IPO8: variants seen among roughly 807,000 people sequenced by gnomAD.
The protein encoded by IPO8 is importin 8.
Under a neutral mutation model 141.2 loss-of-function variants are expected in IPO8, and 65 were observed. The ratio of observed to expected loss-of-function variants is 0.46; its 90% CI spans 0.38 to 0.57. IPO8 has a LOEUF of 0.57. IPO8 is among the 20% of genes least tolerant of loss of function. The pLI is 0.00. For missense variants in IPO8, 980 were observed against 1,246.8 expected (o/e 0.79, Z 3.22); for synonymous variants, 411 against 420.3 (o/e 0.98, Z 0.27).
Position 30,680,657 on chromosome 12 carries a change from A to G in IPO8, c.483-19T>C. On this transcript the variant is annotated intron_variant, in intron 4 of 24. Coordinates refer to ENST00000256079, the MANE Select transcript of IPO8 (RefSeq NM_006390.4). ...CTTATATCTACATGAGCAAAGACAA[A>G]AACAGAAAAGTAATTTTTCCCACCC... The G allele has an allele frequency of 6.3e-7, 1 of 1,580,018 alleles. No homozygotes were observed. Among genetic ancestry groups the G allele is most frequent in the South Asian group, 1.2e-5 (1 of 83,228 alleles).
chr12:30,654,326 A>G (rs1280192133), intron 17 of IPO8, among the ~76,000 whole-genome samples: 2 of 150,548 alleles, frequency 1.3e-5, no homozygotes, highest in African/African-American at 2.4e-5. Context: ...TTTTTTTTAT[A>G]TGAGGATATG....
intron 2 of IPO8, among the ~76,000 whole-genome samples, chr12:30,685,497 A>ATG (rs2053231625): frequency 7.5e-6 from 1 of 133,330 alleles, no homozygotes; most frequent in Non-Finnish European, 1.6e-5. Flanking sequence ...AATACTTATA[A>ATG]TGTTGTGTGT....
chr12:30,658,500 A>G (rs1042296711), intron 16 of IPO8, among the ~76,000 whole-genome samples: 1 of 152,174 alleles, frequency 6.6e-6, no homozygotes, highest in Non-Finnish European at 1.5e-5. Context: ...CTTGATAATC[A>G]CAATAAGTTC....
chr12:30,674,132 C>T (rs2053087937), intron 7 of IPO8, 58 bp from the exon 8 acceptor site: 3 of 1,095,928 alleles, frequency 2.7e-6, no homozygotes, highest in Non-Finnish European at 4.1e-6. Flanking sequence ...AGCATGCTTG[C>T]TAATAATTTA....
At chr12:30,663,699 CAT>C in intron 13 of IPO8, 45 bp from the exon 14 acceptor site, 2 of 1,407,068 alleles carry the variant, frequency 1.4e-6, no homozygotes, top group Non-Finnish European at 1.9e-6. Flanking sequence ...AGGATTATAG[CAT>C]TCTGTAATAA....
Position 30,666,187 on chromosome 12 carries a change from C to T in IPO8, c.1209G>A (p.Lys403=). 5 of 1,572,504 alleles carry T rather than the reference C, an allele frequency of 3.2e-6. No individual in the cohort carries two copies. Among genetic ancestry groups the T allele is most frequent in the Non-Finnish European group, 3.4e-6 (4 of 1,162,702 alleles). ...AAAAATGAAATACCTCTTTTCTTTT[C>T]TTTGCAGCAGTATATAAGAGAGTCT... ...AAQTLLYTAA[K]KRKEVLPKMM... Residue 403 remains lysine, a synonymous_variant, in exon 11 of 25, where the codon AAG becomes AAA. Transcript: ENST00000256079.
At chr12:30,636,934 C>T (rs777595941) in intron 22 of IPO8, 48 bp downstream of exon 22, 32 of 1,510,736 alleles carry the variant, frequency 2.1e-5, no homozygotes, top group Non-Finnish European at 2.9e-5. Flanking sequence ...AAAATGCATA[C>T]ACAAATCAAA....
At chr12:30,685,221 CCT>C (rs1411673788) in intron 2 of IPO8, among the ~76,000 whole-genome samples, 1 of 151,486 alleles carries the variant, frequency 6.6e-6, no homozygotes, top group East Asian at 1.9e-4. Context: ...CTCACTGCAA[CCT>C]CTGTCTCCCG....
rs554110534 is a variant in IPO8 at position 30,638,705 on chromosome 12, C to T, written c.2489+810G>A. 1.4e-4 allele frequency among the ~76,000 whole-genome samples: 22 copies of T among 152,172 alleles called. 1 individual carries two copies. In the South Asian group the frequency reaches 1.5e-3, roughly 10 times the overall value. On this transcript the variant is annotated intron_variant, in intron 21 of 24. Coordinates refer to ENST00000256079, the MANE Select transcript of IPO8 (RefSeq NM_006390.4). ...TTTTTGAGATGGAGTCTCACTCTGTCGCCCAGGCTGGAGTGCAGTGGCACG... is the reference window on the plus strand; with the variant it reads ...TTTTTGAGATGGAGTCTCACTCTGTTGCCCAGGCTGGAGTGCAGTGGCACG...
At chr12:30,655,870 C>T (rs575937135) in intron 17 of IPO8, among the ~76,000 whole-genome samples, 5 of 152,310 alleles carry the variant, frequency 3.3e-5, no homozygotes, top group Admixed American at 6.5e-5. Flanking sequence ...TATCTGAGTA[C>T]TACACAGCTT....
intron 20 of IPO8, among the ~76,000 whole-genome samples, chr12:30,644,650 T>G (rs913730681): frequency 2.1e-4 from 29 of 141,244 alleles, no homozygotes; most frequent in Admixed American, 4.9e-4. Context: ...GTTTTTTTTT[T>G]TTGTTTTTTT....
chr12:30,663,803 C>T (rs868798741), intron 13 of IPO8, 149 bp from the exon 14 acceptor site: 26 of 486,550 alleles, frequency 5.3e-5, no homozygotes, highest in African/African-American at 2.4e-4. Flanking sequence ...TTTCTAACTT[C>T]TACATCCCCC....
In IPO8 at chr12:30,656,994, A is replaced by G. The variant is rs765305098; in HGVS notation, c.1882-244T>C. Among the ~76,000 whole-genome samples, 13 of 152,258 alleles carry G rather than the reference A, an allele frequency of 8.5e-5. 1 individual carries two copies. The highest frequency in any genetic ancestry group is 1.3e-4 in the Admixed American group (2 of 15,296). Reference sequence around the variant, plus strand: ...TACCATATATTTTATACCAAAATAAATTCCTAATAGATAAAAGATTTCAGT... The same window carrying G: ...TACCATATATTTTATACCAAAATAAGTTCCTAATAGATAAAAGATTTCAGT... On this transcript the variant is annotated intron_variant, in intron 16 of 24. Transcript: ENST00000256079.
chr12:30,636,916 A>G, intron 22 of IPO8, 66 bp downstream of exon 22: 2 of 1,273,218 alleles, frequency 1.6e-6, no homozygotes, highest in Non-Finnish European at 2.3e-6. Flanking sequence ...ATAGACTAGT[A>G]TTCATATAAA....
In IPO8 at chr12:30,669,155, T is replaced by C. The variant is rs201817341; in HGVS notation, c.1144+28A>G. The C allele has an allele frequency of 1.8e-5, 17 of 965,560 alleles. No homozygotes were observed. In the East Asian group the frequency reaches 3.6e-4, roughly 21 times the overall value. 59.8% of individuals were successfully genotyped at this position (965,560 alleles called of 1,614,324 possible). On this transcript the variant is annotated intron_variant, in intron 10 of 24. Coordinates refer to ENST00000256079, the MANE Select transcript of IPO8 (RefSeq NM_006390.4). ...TATATTACTTTACATATCCAGGAAC[T>C]GATGAGAAATAAAACCATCTCAATT...
At chr12:30,659,453 G>A (rs931382028) in intron 16 of IPO8, among the ~76,000 whole-genome samples, 1 of 151,472 alleles carries the variant, frequency 6.6e-6, no homozygotes, top group African/African-American at 2.4e-5. Flanking sequence ...CTCCGGCCTG[G>A]GCAACAGAGC....
At chr12:30,643,393 A>ATAC (rs772333855) in intron 20 of IPO8, among the ~76,000 whole-genome samples, 1 of 152,212 alleles carries the variant, frequency 6.6e-6, no homozygotes, top group Non-Finnish European at 1.5e-5. Context: ...ACTTGAGTGC[A>ATAC]TTGTAATGGT....
intron 1 of IPO8, among the ~76,000 whole-genome samples, chr12:30,694,057 G>A (rs1012594536): frequency 6.6e-6 from 1 of 152,094 alleles, no homozygotes; most frequent in African/African-American, 2.4e-5. Flanking sequence ...TTAGGTGAAG[G>A]GCAGGGAAGT....
At chr12:30,649,022 GCA>G in intron 20 of IPO8, 113 bp downstream of exon 20, 1 of 623,040 alleles carries the variant, frequency 1.6e-6, no homozygotes, top group Non-Finnish European at 2.7e-6. Flanking sequence ...GCACCAGAAA[GCA>G]CAATCTATAG....
Sources: gnomAD v4.1 joint callset for allele counts (sites outside exome capture counted in the v4.1 genomes callset) on GRCh38, gnomAD v4.1.1 for gene constraint, MANE v1.5 for transcripts, NCBI Gene and HGNC (gene_info 2026-07-23, HGNC 2026-07-21) for gene names.